The following SCHIP1 variants were observed in gnomAD, a reference collection of about 807,000 sequenced individuals.
The protein encoded by SCHIP1 is schwannomin-interacting protein 1.
Under a neutral mutation model 29.7 loss-of-function variants are expected in SCHIP1, and 8 were observed. The observed-to-expected ratio is 0.27, with a 90% CI of 0.16 to 0.49. The LOEUF is 0.49. SCHIP1 is among the 20% of genes least tolerant of loss of function. The pLI is 0.99. For missense variants in SCHIP1, 193 were observed against 294.6 expected, an observed-to-expected ratio of 0.66 and a Z score of 2.52; for synonymous variants, 76 against 94.9, an observed-to-expected ratio of 0.80 and a Z score of 1.16.
At chr3:159,558,552 A>T in the SCHIP1 span, among the ~76,000 whole-genome samples, 3 of 152,170 alleles carry the variant, frequency 2.0e-5, no homozygotes, top group Non-Finnish European at 4.4e-5. Flanking sequence ...ATTACGGAGG[A>T]AAGAAAAATA....
At chr3:159,786,407 T>C in the SCHIP1 span, among the ~76,000 whole-genome samples, 1 of 152,176 alleles carries the variant, frequency 6.6e-6, no homozygotes, top group African/African-American at 2.4e-5. Flanking sequence ...TTAAAGATTA[T>C]TATAGTTCTC....
At chr3:159,642,016 A>C in the SCHIP1 span, among the ~76,000 whole-genome samples, 1 of 152,132 alleles carries the variant, frequency 6.6e-6, no homozygotes, top group Non-Finnish European at 1.5e-5. Context: ...GGAGATTTAG[A>C]GCCAGAGGAC....
the SCHIP1 span, among the ~76,000 whole-genome samples, chr3:159,410,571 C>T: frequency 6.6e-6 from 1 of 152,088 alleles, no homozygotes; most frequent in Non-Finnish European, 1.5e-5. Flanking sequence ...ATCAAAACTA[C>T]AATGAGATAA....
At chr3:159,347,041 C>T in the SCHIP1 span, among the ~76,000 whole-genome samples, 4 of 152,198 alleles carry the variant, frequency 2.6e-5, no homozygotes, top group Admixed American at 2.0e-4. Flanking sequence ...CGCAGCTTCA[C>T]ATCTCACTGG....
the SCHIP1 span, among the ~76,000 whole-genome samples, chr3:159,321,587 T>C: frequency 1.3e-5 from 2 of 152,086 alleles, no homozygotes; most frequent in African/African-American, 4.8e-5. Context: ...TATTATACTT[T>C]AAGTTTTAGG....
chr3:159,485,659 C>A, the SCHIP1 span, among the ~76,000 whole-genome samples: 1 of 152,150 alleles, frequency 6.6e-6, no homozygotes, highest in African/African-American at 2.4e-5. Flanking sequence ...GGCTCTTCCT[C>A]TTATTAGCTC....
At chr3:159,744,969 A>G in the SCHIP1 span, among the ~76,000 whole-genome samples, 109,138 of 151,480 alleles carry the variant, frequency 0.72, 39,845 homozygotes, top group Middle Eastern at 0.9. Flanking sequence ...GCGACAGAGC[A>G]AGACTCCGTC....
At chr3:159,648,549 T>A in the SCHIP1 span, among the ~76,000 whole-genome samples, 12 of 152,308 alleles carry the variant, frequency 7.9e-5, no homozygotes, top group East Asian at 2.3e-3. Context: ...AATAGTATTA[T>A]TATAGAAACT....
the SCHIP1 span, among the ~76,000 whole-genome samples, chr3:159,514,677 A>C: frequency 6.6e-6 from 1 of 152,326 alleles, no homozygotes; most frequent in South Asian, 2.1e-4. Context: ...TTTTATTGAA[A>C]ACTAAACTAT....
chr3:159,485,409 C>T, the SCHIP1 span, among the ~76,000 whole-genome samples: 1 of 152,156 alleles, frequency 6.6e-6, no homozygotes, highest in African/African-American at 2.4e-5. Flanking sequence ...GGGGAAAAAA[C>T]ATTCTGGAAA....
chr3:159,862,085 T>C (rs776993808), intron 1 of SCHIP1, among the ~76,000 whole-genome samples: 96 of 152,206 alleles, frequency 6.3e-4, no homozygotes, highest in Non-Finnish European at 1.2e-3. Context: ...TGGGAAGATA[T>C]TTGTATTGTG....
the SCHIP1 span, among the ~76,000 whole-genome samples, chr3:159,412,005 G>A: frequency 6.6e-6 from 1 of 152,144 alleles, no homozygotes. Flanking sequence ...TATTACTAAA[G>A]GTAACAATTC....
At chr3:159,734,809 T>TTTTTTTC in the SCHIP1 span, among the ~76,000 whole-genome samples, 1 of 143,096 alleles carries the variant, frequency 7.0e-6, no homozygotes, top group African/African-American at 2.7e-5. Context: ...TTTTTTTTTT[T>TTTTTTTC]CTATTGCCTG....
the SCHIP1 span, among the ~76,000 whole-genome samples, chr3:159,769,264 G>A: frequency 1.7e-5 from 2 of 119,380 alleles, no homozygotes; most frequent in African/African-American, 6.4e-5. Flanking sequence ...AGGCTCTGTG[G>A]ACCTGTTGCC....
chr3:159,384,289 A>G, the SCHIP1 span, among the ~76,000 whole-genome samples: 3 of 151,756 alleles, frequency 2.0e-5, no homozygotes, highest in African/African-American at 7.3e-5. Flanking sequence ...TCCCATCAAT[A>G]CCTAACTTAT....
At chr3:159,639,514 T>C in the SCHIP1 span, among the ~76,000 whole-genome samples, 1 of 152,132 alleles carries the variant, frequency 6.6e-6, no homozygotes, top group Non-Finnish European at 1.5e-5. Context: ...ATCAGACCCA[T>C]AGAAAAGGTG....
chr3:159,382,391 AATG>A, the SCHIP1 span, among the ~76,000 whole-genome samples: 1 of 151,018 alleles, frequency 6.6e-6, no homozygotes, highest in Admixed American at 6.6e-5. Flanking sequence ...GTTTACTGAG[AATG>A]ATGATTTCCA....
chr3:159,679,772 C>T, the SCHIP1 span, among the ~76,000 whole-genome samples: 6 of 152,206 alleles, frequency 3.9e-5, no homozygotes, highest in East Asian at 1.9e-4. Flanking sequence ...CCCTCCACAC[C>T]CCTGAGAGCA....
chr3:159,815,980 T>G, the SCHIP1 span, among the ~76,000 whole-genome samples: 114,306 of 151,594 alleles, frequency 0.75, 43,921 homozygotes, highest in East Asian at 0.99. Flanking sequence ...ACAGCATCTC[T>G]CTCTGTCGCC....
Sources: gnomAD v4.1 joint callset for allele counts (sites outside exome capture counted in the v4.1 genomes callset) on GRCh38, gnomAD v4.1.1 for gene constraint, MANE v1.5 for transcripts, NCBI Gene and HGNC (gene_info 2026-07-23, HGNC 2026-07-21) for gene names.